The following RGSL1 variants were observed in gnomAD, a reference collection of about 807,000 sequenced individuals.
RGSL1 encodes the protein regulator of G protein signaling protein-like.
RGSL1 carries 97 observed loss-of-function variants against 124.7 expected under a neutral mutation model. That is an observed-to-expected ratio of 0.78 (90% CI 0.66 to 0.92). RGSL1 has a LOEUF of 0.92. Among genes scored for constraint, RGSL1 ranks in the 40% least tolerant of loss-of-function variants. The pLI, the probability that RGSL1 is intolerant of heterozygous loss-of-function variation, is 0.00. For missense variants in RGSL1, 1,233 were observed against 1,288.4 expected (o/e 0.96, Z 0.66); for synonymous variants, 424 against 438.1 (o/e 0.97, Z 0.40).
chr1:182,548,662 G>A, intron 16 of RGSL1, 38 bp from the exon 17 acceptor site: 1 of 1,549,380 alleles, frequency 6.5e-7, no homozygotes, highest in Non-Finnish European at 8.7e-7. Context: ...CCTTCCCGTG[G>A]AGCCTCTGCC....
At chr1:182,479,963 T>A (rs914229840) in intron 6 of RGSL1, among the ~76,000 whole-genome samples, 2 of 152,190 alleles carry the variant, frequency 1.3e-5, no homozygotes, top group Non-Finnish European at 2.9e-5. Flanking sequence ...GCACCCAACA[T>A]CATCACCTAA....
At chr1:182,501,307 C>CTTTTTTTTTTTTT (rs141279993) in intron 9 of RGSL1, among the ~76,000 whole-genome samples, 22 of 61,356 alleles carry the variant, frequency 3.6e-4, no homozygotes, top group African/African-American at 7.8e-4. Context: ...TTTTTCTTTT[C>CTTTTTTTTTTTTT]TTTTTTTTTT....
intron 7 of RGSL1, chr1:182,488,622 A>G (rs1184796777): frequency 1.4e-5 from 5 of 367,090 alleles, no homozygotes; most frequent in Non-Finnish European, 2.5e-5. Context: ...GCTACTTGGG[A>G]GGCTGAGGCA....
chr1:182,542,262 G>T (rs1036160511), intron 15 of RGSL1, among the ~76,000 whole-genome samples: 1 of 152,200 alleles, frequency 6.6e-6, no homozygotes. Context: ...TAGGTGTCTG[G>T]TTTCATTCTG....
intron 1 of RGSL1, among the ~76,000 whole-genome samples, chr1:182,451,920 A>C (rs1391549848): frequency 1.3e-5 from 2 of 151,872 alleles, no homozygotes; most frequent in Admixed American, 6.6e-5. Flanking sequence ...ATAGGTACAA[A>C]GAGAAACCAT....
At chr1:182,553,156 G>A (rs1000547749) in intron 18 of RGSL1, among the ~76,000 whole-genome samples, 82 of 151,928 alleles carry the variant, frequency 5.4e-4, no homozygotes, top group Admixed American at 4.3e-3. Context: ...CACTTGCCTC[G>A]ACCTCCTAAA....
At chr1:182,531,636 C>T (rs1327822405) in intron 13 of RGSL1, among the ~76,000 whole-genome samples, 1 of 152,110 alleles carries the variant, frequency 6.6e-6, no homozygotes, top group Non-Finnish European at 1.5e-5. Context: ...TTCCTTTTCT[C>T]CTCTGTATTT....
chr1:182,539,820 T>A lies in RGSL1; in HGVS notation c.2495-427T>A, dbSNP rs76913599. Among the ~76,000 whole-genome samples the A allele has an allele frequency of 3.3e-3, 498 of 152,340 alleles. 7 individuals carry two copies. Among genetic ancestry groups the A allele is most frequent in the African/African-American group, 0.011 (474 of 41,586 alleles). ...ACCCTCAGTTTCCTTAGTAAACTTC[T>A]TTACTCTTGATATTTTGACTTTTTC... On this transcript the variant is annotated intron_variant, in intron 14 of 21. Transcript: ENST00000294854.
chr1:182,508,676 T>A (rs1353329209), intron 9 of RGSL1, among the ~76,000 whole-genome samples: 3 of 5,844 alleles, frequency 5.1e-4, no homozygotes, highest in Admixed American at 1.5e-3. Context: ...CTATTTGTTT[T>A]TTTTTTTTTT....
chr1:182,473,679 T>G lies in RGSL1; in HGVS notation c.568T>G (p.Trp190Gly). ...GGCTCTGTTCAAACTCCAGAGCTATTGGCTTCCCAACTTTTACACCCACAC... is the reference window on the plus strand; with the variant it reads ...GGCTCTGTTCAAACTCCAGAGCTATGGGCTTCCCAACTTTTACACCCACAC... ...KVALFKLQSYWLPNFYTHTKM... is the reference protein window; with the variant it reads ...KVALFKLQSYGLPNFYTHTKM... The change falls in exon 6 of 22, where the codon TGG becomes GGG. Residue 190 changes from tryptophan (W) to glycine (G), a missense_variant. Physicochemically the swap from Trp to Gly is radical, Grantham distance 184. Coordinates refer to ENST00000294854, the MANE Select transcript of RGSL1 (RefSeq NM_001137669.2). 6.4e-7 allele frequency: 1 copy of G among 1,551,734 alleles called. No homozygotes were observed.
At chr1:182,558,195 A>G (rs936304980) in intron 21 of RGSL1, among the ~76,000 whole-genome samples, 1 of 152,192 alleles carries the variant, frequency 6.6e-6, no homozygotes, top group Non-Finnish European at 1.5e-5. Flanking sequence ...CCTTGCTTTA[A>G]TATTTTTCTT....
chr1:182,452,456 CTTT>C (rs1210477540), intron 1 of RGSL1, among the ~76,000 whole-genome samples: 5 of 142,200 alleles, frequency 3.5e-5, no homozygotes, highest in Non-Finnish European at 4.6e-5. Flanking sequence ...TCTGGGTTTC[CTTT>C]TTTTTTTTTT....
intron 4 of RGSL1, among the ~76,000 whole-genome samples, chr1:182,465,781 T>C (rs1486801180): frequency 1.3e-5 from 2 of 151,984 alleles, no homozygotes. Flanking sequence ...TCCAAAAGAT[T>C]GAAGAGGCAG....
intron 8 of RGSL1, among the ~76,000 whole-genome samples, chr1:182,492,802 T>C (rs1486108798): frequency 6.6e-6 from 1 of 152,140 alleles, no homozygotes; most frequent in Non-Finnish European, 1.5e-5. Context: ...CTAATTTTTT[T>C]GTATTTTTAG....
chr1:182,509,797 G>A (rs1460865783), intron 9 of RGSL1, among the ~76,000 whole-genome samples: 2 of 121,482 alleles, frequency 1.6e-5, no homozygotes, highest in Non-Finnish European at 1.8e-5. Flanking sequence ...CGGATGGGGC[G>A]GCTGGCCGGG....
Position 182,454,097 on chromosome 1 carries a change from C to T in RGSL1, c.96+57C>T, listed in dbSNP as rs1242444494. ...TCATCAGCAGCTGAATAGTGAATCT[C>T]ACAGAGCTGAGTGACTTTTTTTGTT... On this transcript the variant is annotated intron_variant, in intron 2 of 21. Coordinates refer to ENST00000294854, the MANE Select transcript of RGSL1 (RefSeq NM_001137669.2). 27 of 1,023,012 alleles carry T rather than the reference C, an allele frequency of 2.6e-5. No individual in the cohort carries two copies. In the East Asian group the frequency reaches 6.0e-4, roughly 23 times the overall value. The allele number at this position is 1,023,012 out of a possible 1,614,324, so 63.4% of individuals were successfully genotyped here.
intron 6 of RGSL1, among the ~76,000 whole-genome samples, chr1:182,480,029 T>C (rs1389621659): frequency 1.3e-5 from 2 of 152,196 alleles, no homozygotes; most frequent in East Asian, 3.8e-4. Context: ...TCTATTATTA[T>C]TGTGTTGCTT....
At chr1:182,525,104 G>A (rs652384) in intron 10 of RGSL1, among the ~76,000 whole-genome samples, 132,361 of 151,866 alleles carry the variant, frequency 0.87, 58,024 homozygotes, top group African/African-American at 0.9. Context: ...AACAAAAAGC[G>A]AAACATAAAA....
intron 4 of RGSL1, among the ~76,000 whole-genome samples, chr1:182,472,049 A>T (rs963932331): frequency 2.0e-5 from 3 of 151,600 alleles, no homozygotes; most frequent in Non-Finnish European, 2.9e-5. Context: ...TCAGTCCATG[A>T]TCTAGGAAAT....
Sources: allele counts gnomAD v4.1 joint callset (sites outside exome capture counted in the v4.1 genomes callset), GRCh38; gene constraint gnomAD v4.1.1; transcripts MANE v1.5; gene names NCBI Gene and HGNC (gene_info 2026-07-23, HGNC 2026-07-21).